The following ZFHX2 variants were observed in gnomAD, a reference collection of about 807,000 sequenced individuals.
The protein encoded by ZFHX2 is zinc finger homeobox protein 2.
In ZFHX2, 75 loss-of-function variants were observed where a neutral mutation model predicts 164.8. The ratio of observed to expected loss-of-function variants is 0.46; its 90% CI spans 0.38 to 0.55. The LOEUF is 0.55. Among genes scored for constraint, ZFHX2 ranks in the 20% least tolerant of loss-of-function variants. ZFHX2 has a pLI of 0.00. For synonymous variants in ZFHX2, 1,217 were observed against 1,351.4 expected (o/e 0.90, Z 2.18); for missense variants, 2,933 against 3,308.0 (o/e 0.89, Z 2.78).
At chr14:23,536,808 A>G (rs749768584) in intron 1 of ZFHX2, among the ~76,000 whole-genome samples, 6 of 152,204 alleles carry the variant, frequency 3.9e-5, no homozygotes, top group African/African-American at 9.6e-5. Context: ...TCCCTTGGAC[A>G]CAATACAGGT....
chr14:23,538,279 T>G (rs1257889585), intron 1 of ZFHX2, among the ~76,000 whole-genome samples: 1 of 152,060 alleles, frequency 6.6e-6, no homozygotes, highest in Admixed American at 6.6e-5. Flanking sequence ...GGAAAGAATT[T>G]CAATTGCAAA....
At chr14:23,529,885 T>G in intron 5 of ZFHX2, 117 bp from the exon 6 acceptor site, 1 of 1,122,848 alleles carries the variant, frequency 8.9e-7, no homozygotes, top group African/African-American at 1.6e-5. Flanking sequence ...ACTCAGTAGA[T>G]AGGTGAGGCT....
At chr14:23,555,391 T>G (rs982451535), upstream of ZFHX2, among the ~76,000 whole-genome samples, 8 of 152,212 alleles carry the variant, frequency 5.3e-5, no homozygotes, top group African/African-American at 1.9e-4. Context: ...AGTCTAGCAC[T>G]CAAGGCTTTT....
Position 23,546,222 on chromosome 14 carries a change from C to A in ZFHX2, c.-50+5121G>T, listed in dbSNP as rs936672317. ...TTCATGTCTTTCTGATTGCACAGGCCCCTGTGCATGCGACATTCCAGTTGA... is the reference window on the plus strand; with the variant it reads ...TTCATGTCTTTCTGATTGCACAGGCACCTGTGCATGCGACATTCCAGTTGA... On this transcript the variant is annotated intron_variant, in intron 1 of 9. Transcript: ENST00000419474. This position sits in a 1 kb window ranked among gnomAD's most constrained non-coding sequence, Gnocchi z 4.7. Among the ~76,000 whole-genome samples the A allele has an allele frequency of 2.0e-5, 3 of 152,102 alleles. No individual in the cohort carries two copies. Among genetic ancestry groups the A allele is most frequent in the African/African-American group, 7.2e-5 (3 of 41,402 alleles).
intron 1 of ZFHX2, among the ~76,000 whole-genome samples, chr14:23,538,399 TTA>T (rs1439197257): frequency 2.6e-5 from 4 of 151,486 alleles, no homozygotes; most frequent in Admixed American, 6.6e-5. Flanking sequence ...GCTGCAGCGA[TTA>T]TTTTTTTGCT....
Position 23,524,104 on chromosome 14 carries a change from T to C in ZFHX2, c.5838A>G (p.Leu1946=). Residue 1946 remains leucine, a synonymous_variant, in exon 9 of 10, where the codon TTA becomes TTG. Coordinates refer to ENST00000419474, the MANE Select transcript of ZFHX2 (RefSeq NM_033400.3). This position sits in a 1 kb window ranked among gnomAD's most constrained non-coding sequence, Gnocchi z 5.6. The part of the protein sequence containing the change: ...TPASLPKFNL[L]LGKVDDGTGR... ...CAGTGCCATCATCTACCTTGCCTAA[T>C]AAGAGGTTGAACTTGGGCAAGGATG... 3.9e-6 allele frequency: 6 copies of C among 1,534,332 alleles called. No homozygotes were observed. The highest frequency in any genetic ancestry group is 4.4e-6 in the Non-Finnish European group (5 of 1,146,040).
rs113869659 is a variant in ZFHX2 at position 23,521,445 on chromosome 14, G to C, written c.*517C>G. The C allele has an allele frequency of 4.5e-5, 7 of 154,234 alleles. No homozygotes were observed. The highest frequency in any genetic ancestry group is 1.0e-4 in the Non-Finnish European group (7 of 69,414). The allele number at this position is 154,234 out of a possible 1,614,324, so 9.6% of individuals were successfully genotyped here. A position where few individuals can be genotyped will look rare whatever the true frequency, so the allele number is the denominator to read the frequency against. ...GTTAGGAAGGAGAAGAGAGAGTGGCGAAGTTTGTTTTCCTTCCCCCTTCTT... is the reference window on the plus strand; with the variant it reads ...GTTAGGAAGGAGAAGAGAGAGTGGCCAAGTTTGTTTTCCTTCCCCCTTCTT... On this transcript the variant is annotated 3_prime_UTR_variant, in exon 10 of 10. Transcript: ENST00000419474.
At chr14:23,545,438 T>G (rs577805877) in intron 1 of ZFHX2, among the ~76,000 whole-genome samples, 7 of 151,764 alleles carry the variant, frequency 4.6e-5, no homozygotes, top group Non-Finnish European at 1.0e-4. Context: ...ACTCCTTCCT[T>G]TCTCATTTAA....
Position 23,525,657 on chromosome 14 carries a change from CG to C in ZFHX2, c.4284del (p.Asp1429ThrfsTer16), listed in dbSNP as rs1225882161. 1 of 1,535,404 alleles carries C rather than the reference CG, an allele frequency of 6.5e-7. No individual in the cohort carries two copies. ...CGGGCAGCCTCGTTGGGCAATGGGT[CG>C]GGGGGTGAGGAAGGCCCTGCCTCAT... ...EGNEAGPSSP[P>X]DPLPNEAART... is the part of the protein sequence containing the mutation. On this transcript the variant is annotated frameshift_variant, in exon 9 of 10. Transcript: ENST00000419474. LOFTEE classifies it high-confidence loss of function. This position sits in a 1 kb window ranked among gnomAD's most constrained non-coding sequence, Gnocchi z 5.9.
chr14:23,523,278 G>A lies in ZFHX2; in HGVS notation c.6664C>T (p.Arg2222Cys), dbSNP rs372654874. ...MPLGAAPTLP[R>C]LAPVLLSGPA... ...CCAGATAAGAGGACCGGCGCCAGGC[G>A]AGGCAAGGTTGGGGCAGCCCCGAGG... Residue 2222 changes from arginine to cysteine, a missense_variant, in exon 9 of 10, where the codon CGC becomes TGC. By Grantham distance (180) the Arg-to-Cys change is radical. Coordinates refer to ENST00000419474, the MANE Select transcript of ZFHX2 (RefSeq NM_033400.3). This position sits in a 1 kb window ranked among gnomAD's most constrained non-coding sequence, Gnocchi z 4.1. The A allele has an allele frequency of 3.3e-4, 480 of 1,437,576 alleles. 3 individuals are homozygous for A. In the African/African-American group the frequency reaches 6.0e-3, roughly 18 times the overall value. 89.1% of individuals were successfully genotyped at this position (1,437,576 alleles called of 1,614,324 possible).
In ZFHX2 at chr14:23,526,422, G is replaced by C; in HGVS notation, c.3520C>G (p.Arg1174Gly). The C allele has an allele frequency of 6.5e-7, 1 of 1,536,260 alleles. No homozygotes were observed. Among genetic ancestry groups the C allele is most frequent in the South Asian group, 1.2e-5 (1 of 84,050 alleles). ...TCCAGGGCAAAGTTGGTGGTTTTCC[G>C]ATAGGTCAGAGGGTGGCGAGAGTCA... is the stretch of plus-strand genomic sequence containing the variant. The part of the protein sequence containing the change: ...PADSRHPLTY[R>G]KTTNFALDKF... The change falls in exon 9 of 10, where the codon CGG becomes GGG. Residue 1174 changes from arginine to glycine, a missense_variant. Physicochemically the swap from Arg to Gly is moderately radical, Grantham distance 125. Coordinates refer to ENST00000419474, the MANE Select transcript of ZFHX2 (RefSeq NM_033400.3).
At position 23,533,505 on chromosome 14, in the gene ZFHX2, G is replaced by A. The variant is rs1487851618; in HGVS notation, c.1821C>T (p.Gly607=). ...VLMLHQGLPL[G]LPPGLMGPGP... ...CTGGCCCCATCAATCCAGGTGGCAG[G>A]CCCAGCGGCAGCCCCTGGTGCAGCA... is the stretch of plus-strand genomic sequence containing the variant. Residue 607 remains glycine, a synonymous_variant, in exon 2 of 10, where the codon GGC becomes GGT. Coordinates refer to ENST00000419474, the MANE Select transcript of ZFHX2 (RefSeq NM_033400.3). The surrounding 1 kb of genome is among the most constrained non-coding windows in gnomAD (Gnocchi z 4.8). The A allele has an allele frequency of 3.3e-6, 5 of 1,535,972 alleles. No homozygotes were observed. The highest frequency in any genetic ancestry group is 2.0e-5 in the Admixed American group (1 of 50,980).
In ZFHX2 at chr14:23,526,977, C is replaced by T. The variant is rs1226895798; in HGVS notation, c.3136-4G>A. The T allele has an allele frequency of 1.3e-6, 2 of 1,502,802 alleles. No individual in the cohort carries two copies. The highest frequency in any genetic ancestry group is 4.4e-5 in the Admixed American group (2 of 45,460). The allele number at this position is 1,502,802 out of a possible 1,614,324, so 93.1% of individuals were successfully genotyped here. A position where few individuals can be genotyped will look rare whatever the true frequency, so the allele number is the denominator to read the frequency against. ...ATGTCATTTCTACAGTTGTAGCCTGCAATGAGAAAAAGCCTAGTGGCTTCA... is the reference window on the plus strand; with the variant it reads ...ATGTCATTTCTACAGTTGTAGCCTGTAATGAGAAAAAGCCTAGTGGCTTCA... On this transcript the variant is annotated splice_polypyrimidine_tract_variant and splice_region_variant and intron_variant, in intron 7 of 9. Coordinates refer to ENST00000419474, the MANE Select transcript of ZFHX2 (RefSeq NM_033400.3).
At chr14:23,539,159 G>A (rs1880518779) in intron 1 of ZFHX2, among the ~76,000 whole-genome samples, 1 of 152,162 alleles carries the variant, frequency 6.6e-6, no homozygotes, top group African/African-American at 2.4e-5. Context: ...GCTGAGGAGG[G>A]GAGGAAGATG....
intron 1 of ZFHX2, among the ~76,000 whole-genome samples, chr14:23,544,782 T>C (rs1881208475): frequency 6.6e-6 from 1 of 152,202 alleles, no homozygotes; most frequent in Non-Finnish European, 1.5e-5. Flanking sequence ...CCCCGCCCAC[T>C]GGCCCTGCCA....
chr14:23,540,428 C>G (rs928222295), intron 1 of ZFHX2, among the ~76,000 whole-genome samples: 1 of 152,208 alleles, frequency 6.6e-6, no homozygotes, highest in Non-Finnish European at 1.5e-5. Flanking sequence ...TACTCACTGT[C>G]CTCGCCTTCC....
In ZFHX2 at chr14:23,523,869, G is replaced by T; in HGVS notation, c.6073C>A (p.Leu2025Ile). 6.5e-7 allele frequency: 1 copy of T among 1,536,210 alleles called. No individual in the cohort carries two copies. The highest frequency in any genetic ancestry group is 8.7e-7 in the Non-Finnish European group (1 of 1,146,922). The stretch of plus-strand genomic sequence containing the variant: ...GAATCACTCAGATCTCCTGCAGAGA[G>T]ACTGCAAGCCTCACTCTCTGGAGAA... ...KASPESEACS[L>I]SAGDLSDSSA... Residue 2025 changes from leucine to isoleucine, a missense_variant, in exon 9 of 10, where the codon CTC (leucine) becomes ATC (isoleucine). Leu to Ile is a conservative substitution (Grantham distance 5, BLOSUM62 2). Transcript: ENST00000419474. This position sits in a 1 kb window ranked among gnomAD's most constrained non-coding sequence, Gnocchi z 4.1.
Position 23,524,080 on chromosome 14 carries a change from AGT to A in ZFHX2, c.5860_5861del (p.Thr1954TrpfsTer52), listed in dbSNP as rs1566572073. On this transcript the variant is annotated frameshift_variant, in exon 9 of 10. Coordinates refer to ENST00000419474, the MANE Select transcript of ZFHX2 (RefSeq NM_033400.3). LOFTEE classifies it high-confidence loss of function. This position sits in a 1 kb window ranked among gnomAD's most constrained non-coding sequence, Gnocchi z 5.6. ...CTTCCCTCTTTGGGGCTTCCCTCCC[AGT>A]GCCATCATCTACCTTGCCTAATAAG... is the stretch of plus-strand genomic sequence containing the variant. Reference protein sequence around the residue: ...NLLLGKVDDGTGREAPKREAP... With the variant: ...NLLLGKVDDGXGREAPKREAP... The A allele has an allele frequency of 6.6e-7, 1 of 1,526,344 alleles. No individual in the cohort carries two copies. Among genetic ancestry groups the A allele is most frequent in the Non-Finnish European group, 8.8e-7 (1 of 1,141,276 alleles). The allele number at this position is 1,526,344 out of a possible 1,614,324, so 94.6% of individuals were successfully genotyped here.
rs1351724406 is a variant in ZFHX2 at position 23,522,704 on chromosome 14, G to A, written c.6977C>T (p.Ala2326Val). The change falls in exon 10 of 10, where the codon GCC (alanine) becomes GTC (valine). Residue 2326 changes from alanine to valine, a missense_variant. Coordinates refer to ENST00000419474, the MANE Select transcript of ZFHX2 (RefSeq NM_033400.3). ...CTTCAATGCTTTGAGGTTCTTGAGGGCATCATTGGAGGAGCTGGTGGGGCC... is the reference window on the plus strand; with the variant it reads ...CTTCAATGCTTTGAGGTTCTTGAGGACATCATTGGAGGAGCTGGTGGGGCC... ...VAGPTSSSNDALKNLKALKTT... is the reference protein window; with the variant it reads ...VAGPTSSSNDVLKNLKALKTT... The A allele has an allele frequency of 2.0e-6, 3 of 1,536,548 alleles. No homozygotes were observed. In the African/African-American group the frequency reaches 4.1e-5, roughly 21 times the overall value.
Sources: gnomAD v4.1 joint callset for allele counts (sites outside exome capture counted in the v4.1 genomes callset) on GRCh38, gnomAD v4.1.1 for gene constraint, Gnocchi (gnomAD v3.1) non-coding constraint, MANE v1.5 for transcripts, NCBI Gene and HGNC (gene_info 2026-07-23, HGNC 2026-07-21) for gene names.